Variants in RAPH1 observed in about 807,000 individuals in gnomAD.
RAPH1 encodes ras-associated and pleckstrin homology domains-containing protein 1.
Under a neutral mutation model 88.1 loss-of-function variants are expected in RAPH1, and 18 were observed. That is an observed-to-expected ratio of 0.20 (90% CI 0.14 to 0.30). The LOEUF is 0.30. Among genes scored for constraint, RAPH1 ranks in the 10% least tolerant of loss-of-function variants. The pLI, the probability that RAPH1 is intolerant of heterozygous loss-of-function variation, is 1.00. For missense variants in RAPH1, 1,448 were observed against 1,543.2 expected, an observed-to-expected ratio of 0.94 and a Z score of 1.03; for synonymous variants, 587 against 559.0, an observed-to-expected ratio of 1.05 and a Z score of -0.71.
rs933912200 is a variant in RAPH1, at chr2:203,436,322, T to C, written c.*3115A>G. On this transcript the variant is annotated 3_prime_UTR_variant, in exon 14 of 14. Coordinates refer to ENST00000319170, the MANE Select transcript of RAPH1 (RefSeq NM_213589.3). Reference sequence around the variant, plus strand: ...TAAAAAGTCCCAGAAATATAAACTATCCAATTTACAACTAAGGTGGGTATC... The same window carrying C: ...TAAAAAGTCCCAGAAATATAAACTACCCAATTTACAACTAAGGTGGGTATC... The C allele has an allele frequency of 2.6e-5, 4 of 152,188 alleles. No homozygotes were observed. The highest frequency in any genetic ancestry group is 9.7e-5 in the African/African-American group (4 of 41,428). The allele number at this position is 152,188 out of a possible 1,614,324, so 9.4% of individuals were successfully genotyped here.
At position 203,440,716 on chromosome 2, in the gene RAPH1, G is replaced by T; in HGVS notation, c.2474C>A (p.Pro825Gln). Residue 825 changes from proline to glutamine, a missense_variant, in exon 14 of 14, where the codon CCA becomes CAA. Physicochemically the swap from Pro to Gln is moderately conservative, Grantham distance 76 (BLOSUM62 -1). Coordinates refer to ENST00000319170, the MANE Select transcript of RAPH1 (RefSeq NM_213589.3). ...AACAGGAGGGGTAGGGGGAGAGGGTGGAATGTAAGAAGCAGGGAAAGCTGG... is the reference window on the plus strand; with the variant it reads ...AACAGGAGGGGTAGGGGGAGAGGGTTGAATGTAAGAAGCAGGGAAAGCTGG... ...KQPAFPASYI[P>Q]PSPPTPPVPV... The T allele has an allele frequency of 6.2e-7, 1 of 1,606,280 alleles. No homozygotes were observed. Among genetic ancestry groups the T allele is most frequent in the Non-Finnish European group, 8.5e-7 (1 of 1,175,810 alleles).
At chr2:203,477,500 A>C (rs1687517381) in intron 4 of RAPH1, among the ~76,000 whole-genome samples, 1 of 152,042 alleles carries the variant, frequency 6.6e-6, no homozygotes, top group South Asian at 2.1e-4. Context: ...TGCTCTTATT[A>C]ATTTTTCCCC....
At position 203,439,655 on chromosome 2, in the gene RAPH1, T is replaced by C; in HGVS notation, c.3535A>G (p.Thr1179Ala). The C allele has an allele frequency of 6.2e-7, 1 of 1,613,808 alleles. No homozygotes were observed. Among genetic ancestry groups the C allele is most frequent in the Non-Finnish European group, 8.5e-7 (1 of 1,179,968 alleles). The change falls in exon 14 of 14, where the codon ACT becomes GCT. Residue 1179 changes from threonine (T) to alanine (A), a missense_variant. This residue lies in a region of RAPH1 where 935 missense variants were observed against 890.1 expected (regional missense o/e 1.05). Coordinates refer to ENST00000319170, the MANE Select transcript of RAPH1 (RefSeq NM_213589.3). ...CGGGAGGAGAGTGAGCCGTGCCGAG[T>C]GATGGACTTTCGTTGCAGTGTCCTG... Reference protein sequence around the residue: ...LNRTLQRKSITRHGSLSSRMS... With the variant: ...LNRTLQRKSIARHGSLSSRMS...
intron 4 of RAPH1, 82 bp from the exon 5 acceptor site, chr2:203,462,007 C>T: frequency 1.8e-6 from 2 of 1,099,342 alleles, no homozygotes; most frequent in Non-Finnish European, 2.6e-6. Context: ...AAGGATGCTC[C>T]CAGCAATAAA....
At chr2:203,475,946 T>C (rs1687416436) in intron 4 of RAPH1, among the ~76,000 whole-genome samples, 1 of 152,098 alleles carries the variant, frequency 6.6e-6, no homozygotes, top group African/African-American at 2.4e-5. Flanking sequence ...GGGCATTACA[T>C]TCATATAAAA....
At position 203,440,241 on chromosome 2, in the gene RAPH1, G is replaced by A. The variant is rs141053359; in HGVS notation, c.2949C>T (p.Ser983=). 2.5e-6 allele frequency: 4 copies of A among 1,613,990 alleles called. No individual in the cohort carries two copies. The highest frequency in any genetic ancestry group is 3.4e-6 in the Non-Finnish European group (4 of 1,180,006). The change falls in exon 14 of 14, where the codon TCC becomes TCT. Residue 983 remains serine, a synonymous_variant. Transcript: ENST00000319170. The part of the protein sequence containing the change: ...PTPQRNSSIK[S]SSGAEHPEPK... ...GCTCGGGGTGCTCTGCACCACTGCT[G>A]GATTTAATGCTGGAGTTGCGCTGTG... is the stretch of plus-strand genomic sequence containing the variant.
Position 203,455,450 on chromosome 2 carries a change from T to C in RAPH1, c.1289A>G (p.Lys430Arg). Reference sequence around the variant, plus strand: ...GAAGGGACACACCTTTGCTTTTCCTTTGGGAACATAGTAGATACCAGATGC... The same window carrying C: ...GAAGGGACACACCTTTGCTTTTCCTCTGGGAACATAGTAGATACCAGATGC... ...LRASGIYYVP[K>R]GKAKVSRDLV... The change falls in exon 9 of 14, where the codon AAA becomes AGA. Residue 430 changes from lysine to arginine, a missense_variant. By Grantham distance (26) the Lys-to-Arg change is conservative (BLOSUM62 2). This residue lies in a region of RAPH1 where 513 missense variants were observed against 653.1 expected (regional missense o/e 0.79). Transcript: ENST00000319170. The C allele has an allele frequency of 6.2e-7, 1 of 1,612,848 alleles. No individual in the cohort carries two copies. The highest frequency in any genetic ancestry group is 8.5e-7 in the Non-Finnish European group (1 of 1,179,614).
chr2:203,524,864 A>G (rs775322285), intron 1 of RAPH1, among the ~76,000 whole-genome samples: 9 of 152,216 alleles, frequency 5.9e-5, no homozygotes, highest in Non-Finnish European at 1.0e-4. Context: ...TAGAAATTAT[A>G]CCTCAGTAAG....
At position 203,495,230 on chromosome 2, in the gene RAPH1, T is replaced by C. The variant is rs2105852675; in HGVS notation, c.120+4A>G. On this transcript the variant is annotated splice_donor_region_variant and intron_variant, in intron 2 of 13. Transcript: ENST00000319170. The stretch of plus-strand genomic sequence containing the variant: ...CCTCAACCAGTTTTTCAAGCACTAC[T>C]CACCTGAGTGAGTTTGTCTAGTTCT... 1.2e-6 allele frequency: 2 copies of C among 1,614,042 alleles called. No homozygotes were observed. The highest frequency in any genetic ancestry group is 8.5e-7 in the Non-Finnish European group (1 of 1,179,990).
Position 203,439,550 on chromosome 2 carries a change from G to A in RAPH1, c.3640C>T (p.Gln1214Ter). 1 of 1,614,186 alleles carries A rather than the reference G, an allele frequency of 6.2e-7. No individual in the cohort carries two copies. The highest frequency in any genetic ancestry group is 8.5e-7 in the Non-Finnish European group (1 of 1,180,028). ...PPPPELLSDQ[Q>*]KAGYGGSHIS... Reference sequence around the variant, plus strand: ...TGACTGCCTCCGTAACCAGCCTTCTGTTGATCAGACAGCAGTTCAGGGGGT... The same window carrying A: ...TGACTGCCTCCGTAACCAGCCTTCTATTGATCAGACAGCAGTTCAGGGGGT... The change falls in exon 14 of 14, where the codon CAG becomes TAG. Residue 1214 changes from glutamine to a stop codon, truncating the protein, a stop_gained. Transcript: ENST00000319170. LOFTEE classifies it high-confidence loss of function.
At chr2:203,502,183 T>C (rs1688767048) in intron 1 of RAPH1, among the ~76,000 whole-genome samples, 1 of 152,088 alleles carries the variant, frequency 6.6e-6, no homozygotes, top group South Asian at 2.1e-4. Flanking sequence ...GTCCTCAGAG[T>C]GAGCTGACAC....
At chr2:203,463,195 C>G (rs1272676200) in intron 4 of RAPH1, among the ~76,000 whole-genome samples, 1 of 146,338 alleles carries the variant, frequency 6.8e-6, no homozygotes, top group African/African-American at 2.7e-5. Context: ...GAGCGAGACT[C>G]CATCTCAAAA....
intron 1 of RAPH1, among the ~76,000 whole-genome samples, chr2:203,522,719 T>A (rs1183543792): frequency 6.6e-6 from 1 of 151,394 alleles, no homozygotes; most frequent in Non-Finnish European, 1.5e-5. Context: ...CTGGCCAACA[T>A]CGTGAAACCT....
rs1362677643 is a variant in RAPH1 at position 203,534,515 on chromosome 2, C to A, written c.-1+596G>T. ...TGCCCCCTCCCTCCGTCCACCCCCC[C>A]CCCCCCCCCATGAATTGCAGTTTGG... is the stretch of plus-strand genomic sequence containing the variant. On this transcript the variant is annotated intron_variant, in intron 1 of 13. Transcript: ENST00000319170. 1.9e-5 allele frequency among the ~76,000 whole-genome samples: 2 copies of A among 105,882 alleles called. 1 individual carries two copies. The highest frequency in any genetic ancestry group is 4.5e-5 in the Non-Finnish European group (2 of 44,502). The allele number at this position is 105,882 out of a possible 152,430, so 69.5% of individuals were successfully genotyped here. A position where few individuals can be genotyped will look rare whatever the true frequency, so the allele number is the denominator to read the frequency against.
intron 1 of RAPH1, among the ~76,000 whole-genome samples, chr2:203,521,391 T>C (rs1243132460): frequency 1.3e-5 from 2 of 152,102 alleles, no homozygotes; most frequent in African/African-American, 4.8e-5. Flanking sequence ...ATATATATTG[T>C]TTATATAAAA....
chr2:203,500,991 C>G (rs1260231930), intron 1 of RAPH1, among the ~76,000 whole-genome samples: 1 of 152,076 alleles, frequency 6.6e-6, no homozygotes, highest in Non-Finnish European at 1.5e-5. Flanking sequence ...CTATGCTGTT[C>G]TAACCTTAAA....
chr2:203,509,360 C>A, intron 1 of RAPH1, among the ~76,000 whole-genome samples: 2 of 151,494 alleles, frequency 1.3e-5, no homozygotes, highest in East Asian at 1.9e-4. Context: ...CACACCCGGC[C>A]CTAAAAAAAT....
At chr2:203,520,154 A>G (rs1427890236) in intron 1 of RAPH1, among the ~76,000 whole-genome samples, 7 of 151,866 alleles carry the variant, frequency 4.6e-5, no homozygotes, top group Non-Finnish European at 8.8e-5. Flanking sequence ...ATGGTGGAAA[A>G]CTATCTGTAC....
chr2:203,457,418 T>C (rs2098520576), intron 8 of RAPH1, 112 bp downstream of exon 8: 1 of 848,848 alleles, frequency 1.2e-6, no homozygotes. Context: ...ACTCCTGATC[T>C]TGTGATTCAC....
Sources: allele counts gnomAD v4.1 joint callset (sites outside exome capture counted in the v4.1 genomes callset), GRCh38; gene constraint gnomAD v4.1.1; regional missense constraint gnomAD v4.1.1; transcripts MANE v1.5; gene names NCBI Gene and HGNC (gene_info 2026-07-23, HGNC 2026-07-21).